Variants in TNFRSF10B observed in about 807,000 individuals in gnomAD.
TNFRSF10B encodes TNF receptor superfamily member 10b, also known as tumor necrosis factor receptor superfamily member 10B.
A neutral mutation model predicts 41.4 loss-of-function variants in TNFRSF10B; 35 were observed. That is an observed-to-expected ratio of 0.85 (90% CI 0.65 to 1.12). TNFRSF10B has a LOEUF of 1.12. Ranked by LOEUF, TNFRSF10B falls within the 50% of genes most tolerant of loss-of-function variation. The pLI, the probability that TNFRSF10B is intolerant of heterozygous loss-of-function variation, is 0.00. For missense variants in TNFRSF10B, 584 were observed against 552.7 expected, an observed-to-expected ratio of 1.06 and a Z score of -0.57; for synonymous variants, 230 against 215.5, an observed-to-expected ratio of 1.07 and a Z score of -0.59.
chr8:23,027,903 G>GGGTGTCTCTGAGTTGTA, intron 5 of TNFRSF10B, 150 bp from the exon 6 acceptor site: 1 of 824,756 alleles, frequency 1.2e-6, no homozygotes, highest in Non-Finnish European at 2.0e-6. Context: ...TTACAACTCA[G>GGGTGTCTCTGAGTTGTA]AGACACCCTG....
At chr8:23,035,781 T>C (rs1479563631) in intron 2 of TNFRSF10B, among the ~76,000 whole-genome samples, 2 of 152,224 alleles carry the variant, frequency 1.3e-5, no homozygotes, top group African/African-American at 4.8e-5. Context: ...ACACAATGCC[T>C]AGTGTGCTTA....
chr8:23,035,487 G>A (rs1260309980), intron 2 of TNFRSF10B, among the ~76,000 whole-genome samples: 1 of 152,088 alleles, frequency 6.6e-6, no homozygotes, highest in Non-Finnish European at 1.5e-5. Flanking sequence ...TAACACACAA[G>A]ACGATCCATT....
intron 4 of TNFRSF10B, among the ~76,000 whole-genome samples, chr8:23,028,891 G>A (rs1811795886): frequency 6.6e-6 from 1 of 152,182 alleles, no homozygotes; most frequent in African/African-American, 2.4e-5. Flanking sequence ...GGGGAGGCCT[G>A]CGTTAGGAGC....
chr8:23,058,981 C>A (rs1159545430), intron 1 of TNFRSF10B, among the ~76,000 whole-genome samples: 1 of 152,086 alleles, frequency 6.6e-6, no homozygotes, highest in Admixed American at 6.5e-5. Context: ...CACAACTATC[C>A]ATCCTCAGAA....
chr8:23,065,332 G>A (rs566231561), intron 1 of TNFRSF10B, among the ~76,000 whole-genome samples: 1 of 152,208 alleles, frequency 6.6e-6, no homozygotes, highest in Non-Finnish European at 1.5e-5. Context: ...GTAGAGCTCT[G>A]TAGTCTCTGT....
rs1047464682 is a variant in TNFRSF10B at position 23,020,600 on chromosome 8, G to A, written c.*2071C>T. The stretch of plus-strand genomic sequence containing the variant: ...CCAGCTACTCCGGAGGCTGAGGCAC[G>A]AGAATCGCTTGAACCCAGGAGGCGG... On this transcript the variant is annotated 3_prime_UTR_variant, in exon 9 of 9. Coordinates refer to ENST00000276431, the MANE Select transcript of TNFRSF10B (RefSeq NM_003842.5). 4.4e-6 allele frequency: 2 copies of A among 450,164 alleles called. No homozygotes were observed. Among genetic ancestry groups the A allele is most frequent in the Non-Finnish European group, 8.9e-6 (2 of 223,876 alleles). 27.9% of individuals were successfully genotyped at this position (450,164 alleles called of 1,614,324 possible). A position where few individuals can be genotyped will look rare whatever the true frequency, so the allele number is the denominator to read the frequency against.
In TNFRSF10B at chr8:23,022,433, G is replaced by A. The variant is rs1245495310; in HGVS notation, c.*238C>T. The stretch of plus-strand genomic sequence containing the variant: ...CCAAATCTCAAAGTACGCACAAACG[G>A]AATGATCCAGACATTTCCATAGTGT... On this transcript the variant is annotated 3_prime_UTR_variant, in exon 9 of 9. Transcript: ENST00000276431. The A allele has an allele frequency of 1.5e-6, 1 of 651,408 alleles. No individual in the cohort carries two copies. Among genetic ancestry groups the A allele is most frequent in the African/African-American group, 1.8e-5 (1 of 56,318 alleles). The allele number at this position is 651,408 out of a possible 1,614,324, so 40.4% of individuals were successfully genotyped here.
chr8:23,046,450 G>GAC lies in TNFRSF10B; in HGVS notation c.145-3209_145-3208dup, dbSNP rs561316631. ...AGAAGAGACAAATAAAACGGAAAGA[G>GAC]ACACAAATGCATGAAAATAAATGTT... On this transcript the variant is annotated intron_variant, in intron 1 of 8. Transcript: ENST00000276431. Among the ~76,000 whole-genome samples the GAC allele has an allele frequency of 2.9e-3, 444 of 152,070 alleles. 1 individual carries two copies. The highest frequency in any genetic ancestry group is 5.5e-3 in the Non-Finnish European group (377 of 67,940).
chr8:23,030,080 C>A (rs927349187), intron 3 of TNFRSF10B, among the ~76,000 whole-genome samples: 1 of 152,144 alleles, frequency 6.6e-6, no homozygotes, highest in Non-Finnish European at 1.5e-5. Flanking sequence ...CAAGGCCCAG[C>A]CTGCTGGGGA....
intron 2 of TNFRSF10B, among the ~76,000 whole-genome samples, chr8:23,035,688 T>C (rs1563311669): frequency 6.6e-6 from 1 of 152,284 alleles, no homozygotes. Flanking sequence ...GCACATAAGA[T>C]ATTCCTTCTC....
In TNFRSF10B at chr8:23,043,222, TCAGAG is replaced by T. The variant is rs775264715; in HGVS notation, c.161_165del (p.Ala54AspfsTer37). 4.3e-6 allele frequency: 7 copies of T among 1,613,936 alleles called. No homozygotes were observed. The highest frequency in any genetic ancestry group is 3.3e-4 in the Middle Eastern group (2 of 6,084). On this transcript the variant is annotated frameshift_variant, in exon 2 of 9. Coordinates refer to ENST00000276431, the MANE Select transcript of TNFRSF10B (RefSeq NM_003842.5). LOFTEE classifies it high-confidence loss of function. Reference sequence around the variant, plus strand: ...TGGGGAGCTAGGTCTTGTTGGGTGATCAGAGCAGACTCAGCTGAGACCTGTGGGGA... The same window carrying T: ...TGGGGAGCTAGGTCTTGTTGGGTGATCAGACTCAGCTGAGACCTGTGGGGA...
At chr8:23,059,522 T>G (rs533655776) in intron 1 of TNFRSF10B, among the ~76,000 whole-genome samples, 73 of 125,774 alleles carry the variant, frequency 5.8e-4, no homozygotes, top group African/African-American at 2.1e-3. Context: ...GTTTTTGTTT[T>G]TTGAGACAGA....
rs151085425 is a variant in TNFRSF10B at position 23,060,224 on chromosome 8, T to C, written c.144+8527A>G. On this transcript the variant is annotated intron_variant, in intron 1 of 8. Coordinates refer to ENST00000276431, the MANE Select transcript of TNFRSF10B (RefSeq NM_003842.5). ...CAAGAAATTATTGCCAAATCCAATGTCACAGAATTTTTATCCTATATTTTC... is the reference window on the plus strand; with the variant it reads ...CAAGAAATTATTGCCAAATCCAATGCCACAGAATTTTTATCCTATATTTTC... 1.4e-4 allele frequency among the ~76,000 whole-genome samples: 22 copies of C among 152,368 alleles called. No homozygotes were observed. The East Asian group carries it at 1.5e-3, about 11-fold the overall frequency.
chr8:23,026,699 C>T (rs1375173348), intron 7 of TNFRSF10B, among the ~76,000 whole-genome samples: 1 of 152,224 alleles, frequency 6.6e-6, no homozygotes, highest in Non-Finnish European at 1.5e-5. Context: ...GCCCTTTGTG[C>T]ATCGACTTGG....
chr8:23,032,688 C>G (rs924006212), intron 2 of TNFRSF10B, among the ~76,000 whole-genome samples: 4 of 152,198 alleles, frequency 2.6e-5, no homozygotes, highest in Middle Eastern at 3.4e-3. Flanking sequence ...TTTCTTACAG[C>G]AATGTTTGAT....
At chr8:23,068,538 AGC>A (rs2128823439) in intron 1 of TNFRSF10B, 1 of 670,090 alleles carries the variant, frequency 1.5e-6, no homozygotes, top group African/African-American at 1.8e-5. Context: ...CACCAAGTGG[AGC>A]GCGCGCTCTG....
intron 8 of TNFRSF10B, among the ~76,000 whole-genome samples, chr8:23,023,968 CAG>C (rs1811623474): frequency 6.6e-6 from 1 of 151,972 alleles, no homozygotes; most frequent in African/African-American, 2.4e-5. Flanking sequence ...AGGGGACGGA[CAG>C]AGTCATTAGG....
At chr8:23,042,803 C>T in intron 2 of TNFRSF10B, 1 of 253,140 alleles carries the variant, frequency 4.0e-6, no homozygotes, top group Non-Finnish European at 7.7e-6. Flanking sequence ...CAGTGGAACC[C>T]TCCTAGGAGC....
chr8:23,061,254 T>G (rs1812823325), intron 1 of TNFRSF10B, among the ~76,000 whole-genome samples: 1 of 152,216 alleles, frequency 6.6e-6, no homozygotes. Flanking sequence ...AATTTATAAG[T>G]CAATCATGAA....
Sources: gnomAD v4.1 joint callset for allele counts (sites outside exome capture counted in the v4.1 genomes callset) on GRCh38, gnomAD v4.1.1 for gene constraint, MANE v1.5 for transcripts, NCBI Gene and HGNC (gene_info 2026-07-23, HGNC 2026-07-21) for gene names.